The following NCAM2 variants were observed in gnomAD, a reference collection of about 807,000 sequenced individuals.
NCAM2 encodes the protein N-CAM-2.
Under a neutral mutation model 98.1 loss-of-function variants are expected in NCAM2, and 30 were observed. That is an observed-to-expected ratio of 0.31 (90% CI 0.23 to 0.41). The LOEUF (loss-of-function observed/expected upper bound fraction) is 0.41. NCAM2 is among the 10% of genes least tolerant of loss of function. The pLI, the probability that NCAM2 is intolerant of heterozygous loss-of-function variation, is 1.00. For missense variants in NCAM2, 867 were observed against 1,005.8 expected, an observed-to-expected ratio of 0.86 and a Z score of 1.87; for synonymous variants, 368 against 342.4, an observed-to-expected ratio of 1.07 and a Z score of -0.83.
At chr21:21,060,669 T>C (rs7510157) in intron 1 of NCAM2, among the ~76,000 whole-genome samples, 111,213 of 152,014 alleles carry the variant, frequency 0.73, 41,204 homozygotes, top group East Asian at 0.85. Flanking sequence ...AGTGTTTCCT[T>C]TTAATATGGT....
intron 8 of NCAM2, among the ~76,000 whole-genome samples, chr21:21,353,575 C>G (rs2075397076): frequency 6.6e-6 from 1 of 152,158 alleles, no homozygotes; most frequent in East Asian, 1.9e-4. Flanking sequence ...TCAGGCCACT[C>G]TTAAGTGATG....
At chr21:21,134,404 A>T (rs7276823) in intron 1 of NCAM2, among the ~76,000 whole-genome samples, 147,203 of 152,036 alleles carry the variant, frequency 0.97, 71,421 homozygotes, top group East Asian at 1. Context: ...TAACTACCTC[A>T]GAAGAAGACA....
chr21:21,314,855 T>C (rs1249488798), intron 5 of NCAM2, among the ~76,000 whole-genome samples: 1 of 152,168 alleles, frequency 6.6e-6, no homozygotes, highest in Non-Finnish European at 1.5e-5. Context: ...TTTCTATATT[T>C]CCATTTATTT....
intron 8 of NCAM2, among the ~76,000 whole-genome samples, chr21:21,339,594 T>A (rs1265363061): frequency 4.6e-5 from 7 of 151,958 alleles, no homozygotes; most frequent in Non-Finnish European, 1.5e-5. Context: ...TTTTTCATTA[T>A]TAACTTTATT....
intron 8 of NCAM2, among the ~76,000 whole-genome samples, chr21:21,342,023 C>G (rs2075056080): frequency 1.3e-5 from 2 of 152,108 alleles, no homozygotes; most frequent in Admixed American, 6.6e-5. Context: ...AGTTACCTAT[C>G]AGATATCTCT....
intron 1 of NCAM2, among the ~76,000 whole-genome samples, chr21:21,098,178 G>A (rs908087768): frequency 6.6e-6 from 1 of 151,060 alleles, no homozygotes; most frequent in Non-Finnish European, 1.5e-5. Flanking sequence ...AATTATTATT[G>A]GATGAATACA....
At chr21:21,449,558 A>C (rs748442713) in intron 12 of NCAM2, among the ~76,000 whole-genome samples, 7 of 152,046 alleles carry the variant, frequency 4.6e-5, no homozygotes, top group Non-Finnish European at 5.9e-5. Context: ...TTTAGATGAC[A>C]TTTAAATATA....
rs796611875 is a variant in NCAM2 at position 21,080,679 on chromosome 21, AAC to A, written c.55+82062_55+82063del. 7.0e-3 allele frequency among the ~76,000 whole-genome samples: 671 copies of A among 95,922 alleles called. 16 individuals are homozygous for A. Among genetic ancestry groups the A allele is most frequent in the African/African-American group, 0.027 (561 of 20,500 alleles). The allele number at this position is 95,922 out of a possible 152,430, so 62.9% of individuals were successfully genotyped here. A position where few individuals can be genotyped will look rare whatever the true frequency, so the allele number is the denominator to read the frequency against. ...CTCAAAAAAAAAAAAAAAAAAAAAA[AAC>A]CAACATTGATTCATACCCCTAACAT... On this transcript the variant is annotated intron_variant, in intron 1 of 17. Transcript: ENST00000400546.
chr21:21,240,911 G>A (rs969230229), intron 1 of NCAM2, among the ~76,000 whole-genome samples: 7 of 151,878 alleles, frequency 4.6e-5, no homozygotes, highest in Non-Finnish European at 8.8e-5. Context: ...ACAGTCTTTG[G>A]GACAAATAAA....
chr21:21,411,553 T>C (rs1476834302), intron 10 of NCAM2, among the ~76,000 whole-genome samples: 1 of 152,080 alleles, frequency 6.6e-6, no homozygotes, highest in South Asian at 2.1e-4. Context: ...AGTGTATGTG[T>C]GTATCAATTT....
intron 1 of NCAM2, among the ~76,000 whole-genome samples, chr21:21,069,346 A>T (rs1007402564): frequency 1.3e-5 from 2 of 152,232 alleles, no homozygotes; most frequent in Admixed American, 6.5e-5. Flanking sequence ...AACCTTTAAA[A>T]TTGCAGAAGA....
intron 1 of NCAM2, among the ~76,000 whole-genome samples, chr21:20,999,510 C>T (rs1235995297): frequency 6.6e-6 from 1 of 152,184 alleles, no homozygotes; most frequent in Non-Finnish European, 1.5e-5. Context: ...GCATTTTCAA[C>T]TGTCCAGACA....
At chr21:21,286,227 T>C in intron 3 of NCAM2, 42 bp from the exon 4 acceptor site, 4 of 71,384 alleles carry the variant, frequency 5.6e-5, no homozygotes, top group Non-Finnish European at 7.2e-5. Flanking sequence ...ATGATACTTT[T>C]GTGATTTGTG....
rs752703157 is a variant in NCAM2 at position 21,538,006 on chromosome 21, G to C, written c.*49G>C. ...CAACACTACGAAGAGTATTTGGATT[G>C]CGTGACCCTATGACCAAAACTATTC... On this transcript the variant is annotated 3_prime_UTR_variant, in exon 18 of 18. Transcript: ENST00000400546. The C allele has an allele frequency of 8.8e-6, 10 of 1,139,012 alleles. No individual in the cohort carries two copies. The East Asian group carries it at 2.6e-4, about 29-fold the overall frequency. The allele number at this position is 1,139,012 out of a possible 1,614,324, so 70.6% of individuals were successfully genotyped here. A position where few individuals can be genotyped will look rare whatever the true frequency, so the allele number is the denominator to read the frequency against.
intron 5 of NCAM2, among the ~76,000 whole-genome samples, chr21:21,320,457 T>C (rs1248104850): frequency 6.6e-6 from 1 of 152,154 alleles, no homozygotes; most frequent in African/African-American, 2.4e-5. Context: ...GCACTTTAAA[T>C]TGATCACCCT....
At chr21:21,465,429 A>T (rs940082035) in intron 12 of NCAM2, among the ~76,000 whole-genome samples, 4 of 152,010 alleles carry the variant, frequency 2.6e-5, no homozygotes, top group African/African-American at 9.7e-5. Flanking sequence ...GAAAACAAAC[A>T]AAATGCTAAA....
At chr21:21,507,596 A>G (rs961407069) in intron 15 of NCAM2, among the ~76,000 whole-genome samples, 3 of 152,068 alleles carry the variant, frequency 2.0e-5, no homozygotes, top group Non-Finnish European at 2.9e-5. Flanking sequence ...GATCGAGACC[A>G]TCCTGGCTAA....
intron 14 of NCAM2, among the ~76,000 whole-genome samples, chr21:21,472,882 A>T (rs902069307): frequency 6.6e-6 from 1 of 151,710 alleles, no homozygotes; most frequent in Non-Finnish European, 1.5e-5. Context: ...ATCTGTTATG[A>T]TCATGGAAAA....
intron 1 of NCAM2, among the ~76,000 whole-genome samples, chr21:21,271,149 C>T (rs2072483360): frequency 1.3e-5 from 2 of 152,044 alleles, no homozygotes; most frequent in South Asian, 4.1e-4. Flanking sequence ...TTTAAAATTG[C>T]TTTTTATTGG....
Sources: allele counts gnomAD v4.1 joint callset (sites outside exome capture counted in the v4.1 genomes callset), GRCh38; gene constraint gnomAD v4.1.1; transcripts MANE v1.5; gene names NCBI Gene and HGNC (gene_info 2026-07-23, HGNC 2026-07-21).